TNFSF4: variants seen among roughly 807,000 people sequenced by gnomAD.
TNFSF4 encodes tumor necrosis factor ligand superfamily member 4.
Under a neutral mutation model 7.3 loss-of-function variants are expected in TNFSF4, and 4 were observed. The ratio of observed to expected loss-of-function variants is 0.55; its 90% CI spans 0.27 to 1.25. TNFSF4 has a LOEUF of 1.25. TNFSF4 is among the 50% of genes most tolerant of loss of function. The pLI is 0.12. For synonymous variants in TNFSF4, 76 were observed against 83.7 expected, an observed-to-expected ratio of 0.91 and a Z score of 0.50; for missense variants, 181 against 208.8, an observed-to-expected ratio of 0.87 and a Z score of 0.82.
chr1:173,351,308 C>T, the TNFSF4 span, among the ~76,000 whole-genome samples: 828 of 152,304 alleles, frequency 5.4e-3, 7 homozygotes, highest in African/African-American at 0.019. Flanking sequence ...TAGATCTCAA[C>T]CTAAGCATCC....
chr1:173,449,444 T>G, the TNFSF4 span, among the ~76,000 whole-genome samples: 6 of 151,994 alleles, frequency 3.9e-5, no homozygotes, highest in East Asian at 1.2e-3. Context: ...ACCTCCATCT[T>G]CCTGGCTCAA....
the TNFSF4 span, among the ~76,000 whole-genome samples, chr1:173,243,426 G>C: frequency 5.3e-5 from 8 of 152,148 alleles, no homozygotes; most frequent in Middle Eastern, 3.4e-3. Flanking sequence ...GTGGATTTGC[G>C]GGTCTCTTCC....
chr1:173,445,551 G>T, the TNFSF4 span, among the ~76,000 whole-genome samples: 6 of 152,164 alleles, frequency 3.9e-5, no homozygotes, highest in Non-Finnish European at 7.3e-5. Flanking sequence ...TGTTTTTCTA[G>T]TTAAACAAAC....
chr1:173,316,240 A>G, the TNFSF4 span, among the ~76,000 whole-genome samples: 1 of 150,886 alleles, frequency 6.6e-6, no homozygotes, highest in Admixed American at 6.7e-5. Flanking sequence ...AGATAAGTAT[A>G]TTAATTAGTT....
At chr1:173,218,009 A>G in the TNFSF4 span, among the ~76,000 whole-genome samples, 4 of 152,140 alleles carry the variant, frequency 2.6e-5, no homozygotes, top group African/African-American at 4.8e-5. Context: ...TCAGCCTGCC[A>G]AAGTGTTGGG....
At chr1:173,435,160 C>T in the TNFSF4 span, among the ~76,000 whole-genome samples, 1 of 152,104 alleles carries the variant, frequency 6.6e-6, no homozygotes. Context: ...TGGACAATGG[C>T]ATCAAAAACC....
intron 1 of TNFSF4, among the ~76,000 whole-genome samples, chr1:173,196,997 T>C (rs980875887): frequency 2.0e-5 from 3 of 152,182 alleles, no homozygotes; most frequent in Non-Finnish European, 2.9e-5. Flanking sequence ...TAATGGCACT[T>C]AGTAAATAAA....
the TNFSF4 span, among the ~76,000 whole-genome samples, chr1:173,396,448 T>C: frequency 6.6e-6 from 1 of 152,128 alleles, no homozygotes; most frequent in Non-Finnish European, 1.5e-5. Flanking sequence ...AGGTCAAGGC[T>C]GCAGTAGGCT....
At chr1:173,387,697 G>C in the TNFSF4 span, among the ~76,000 whole-genome samples, 43,400 of 151,856 alleles carry the variant, frequency 0.29, 6,684 homozygotes, top group East Asian at 0.45. Context: ...ATCCCTCAGG[G>C]CTAAAATATC....
At chr1:173,277,234 ATTAT>A in the TNFSF4 span, among the ~76,000 whole-genome samples, 2 of 152,158 alleles carry the variant, frequency 1.3e-5, no homozygotes, top group African/African-American at 4.8e-5. Flanking sequence ...TGTAGCTGTT[ATTAT>A]TTGTCATGAA....
At chr1:173,192,800 C>T (rs894418828) in intron 1 of TNFSF4, among the ~76,000 whole-genome samples, 20 of 152,186 alleles carry the variant, frequency 1.3e-4, no homozygotes, top group African/African-American at 4.8e-4. Context: ...ATTTATCTTG[C>T]TGATTTTGTT....
the TNFSF4 span, among the ~76,000 whole-genome samples, chr1:173,343,283 C>A: frequency 1.3e-5 from 2 of 152,156 alleles, no homozygotes; most frequent in Admixed American, 6.5e-5. Flanking sequence ...GGAAGGGAGT[C>A]ATTGCAACTA....
At chr1:173,279,889 A>G in the TNFSF4 span, among the ~76,000 whole-genome samples, 1 of 152,120 alleles carries the variant, frequency 6.6e-6, no homozygotes, top group African/African-American at 2.4e-5. Flanking sequence ...ATCTCACTCA[A>G]CATCATTTAA....
chr1:173,426,911 G>A, the TNFSF4 span, among the ~76,000 whole-genome samples: 1 of 152,052 alleles, frequency 6.6e-6, no homozygotes, highest in Non-Finnish European at 1.5e-5. Context: ...GTTCTTATAA[G>A]GGGGATGCAA....
the TNFSF4 span, among the ~76,000 whole-genome samples, chr1:173,282,501 C>T: frequency 2.6e-5 from 4 of 151,814 alleles, no homozygotes; most frequent in South Asian, 8.3e-4. Context: ...CTCTGTTGCC[C>T]AGGCTGGAGT....
the TNFSF4 span, among the ~76,000 whole-genome samples, chr1:173,425,984 C>T: frequency 2.0e-5 from 3 of 152,226 alleles, no homozygotes; most frequent in Admixed American, 1.3e-4. Flanking sequence ...TGATAATAGA[C>T]TGATTAACTG....
the TNFSF4 span, among the ~76,000 whole-genome samples, chr1:173,402,549 A>G: frequency 6.6e-6 from 1 of 152,202 alleles, no homozygotes; most frequent in African/African-American, 2.4e-5. Context: ...TCCCACCTTC[A>G]TCAGTCAGAT....
chr1:173,347,067 G>A, the TNFSF4 span, among the ~76,000 whole-genome samples: 2 of 152,186 alleles, frequency 1.3e-5, no homozygotes, highest in South Asian at 4.1e-4. Context: ...GGAAAAATAA[G>A]TTTTTTGCAT....
chr1:173,367,285 T>C, the TNFSF4 span, among the ~76,000 whole-genome samples: 1 of 152,172 alleles, frequency 6.6e-6, no homozygotes, highest in Non-Finnish European at 1.5e-5. Flanking sequence ...ATTTGTATAT[T>C]TTACCATGGC....
Sources: gnomAD v4.1 joint callset for allele counts (sites outside exome capture counted in the v4.1 genomes callset) on GRCh38, gnomAD v4.1.1 for gene constraint, MANE v1.5 for transcripts, NCBI Gene and HGNC (gene_info 2026-07-23, HGNC 2026-07-21) for gene names.